The following PDE11A variants were observed in gnomAD, a reference collection of about 807,000 sequenced individuals.
The protein encoded by PDE11A is phosphodiesterase 11A.
Under a neutral mutation model 100.5 loss-of-function variants are expected in PDE11A, and 100 were observed. That is an observed-to-expected ratio of 1.00 (90% CI 0.85 to 1.18). The LOEUF is 1.18. Ranked by LOEUF, PDE11A falls within the 50% of genes most tolerant of loss-of-function variation. PDE11A has a pLI of 0.00. For missense variants in PDE11A, 1,141 were observed against 1,152.6 expected (o/e 0.99, Z 0.15); for synonymous variants, 381 against 420.8 (o/e 0.91, Z 1.16).
chr2:177,916,224 A>G lies in PDE11A; in HGVS notation c.1072-11037T>C, dbSNP rs892596477. On this transcript the variant is annotated intron_variant, in intron 2 of 19. Coordinates refer to ENST00000286063, the MANE Select transcript of PDE11A (RefSeq NM_016953.4). ...CTCTAAGCATTTATTTATTTCTACA[A>G]TATAAGAATATTACAAAATAAAGTG... Among the ~76,000 whole-genome samples the G allele has an allele frequency of 2.0e-5, 3 of 152,308 alleles. No individual in the cohort carries two copies. In the East Asian group the frequency reaches 5.8e-4, roughly 29 times the overall value.
chr2:178,067,549 C>T (rs1380344668), intron 1 of PDE11A, among the ~76,000 whole-genome samples: 1 of 152,134 alleles, frequency 6.6e-6, no homozygotes, highest in Non-Finnish European at 1.5e-5. Flanking sequence ...ATCACTTCTC[C>T]CTACCCCACA....
Position 177,684,585 on chromosome 2 carries a change from C to T in PDE11A, c.2346-3682G>A, listed in dbSNP as rs558559459. ...TCCTGGCAGACTTAATGGGGTCTGG[C>T]ACTCACTACTTACATGACTGACCTT... On this transcript the variant is annotated intron_variant, in intron 15 of 19. Coordinates refer to ENST00000286063, the MANE Select transcript of PDE11A (RefSeq NM_016953.4). Among the ~76,000 whole-genome samples, 17 of 152,290 alleles carry T rather than the reference C, an allele frequency of 1.1e-4. No homozygotes were observed. The South Asian group carries it at 3.3e-3, about 30-fold the overall frequency.
chr2:177,702,781 A>C (rs934957275), intron 13 of PDE11A: 1 of 152,216 alleles, frequency 6.6e-6, no homozygotes, highest in Admixed American at 6.5e-5. Context: ...ATAATATAAT[A>C]TAATGTAAAA....
At chr2:177,947,587 T>A (rs942789312) in intron 2 of PDE11A, among the ~76,000 whole-genome samples, 20 of 151,850 alleles carry the variant, frequency 1.3e-4, no homozygotes, top group African/African-American at 4.8e-4. Flanking sequence ...TTAAGAGTCA[T>A]CACCAATCCC....
At chr2:177,756,738 C>T (rs955091801) in intron 10 of PDE11A, among the ~76,000 whole-genome samples, 9 of 152,202 alleles carry the variant, frequency 5.9e-5, no homozygotes, top group Non-Finnish European at 1.0e-4. Context: ...GTGCTGTTAG[C>T]GCCCACAAAC....
intron 17 of PDE11A, among the ~76,000 whole-genome samples, chr2:177,673,406 G>C (rs763244791): frequency 1.3e-5 from 2 of 152,202 alleles, no homozygotes; most frequent in African/African-American, 4.8e-5. Context: ...AGGGTCCCCT[G>C]CATGGTAGAA....
intron 12 of PDE11A, among the ~76,000 whole-genome samples, chr2:177,723,829 C>G (rs1020999205): frequency 6.6e-6 from 1 of 151,846 alleles, no homozygotes; most frequent in Non-Finnish European, 1.5e-5. Context: ...TTTATAAAAC[C>G]GAAAAAAATG....
chr2:178,049,791 C>T (rs991433811), intron 1 of PDE11A, among the ~76,000 whole-genome samples: 3 of 152,120 alleles, frequency 2.0e-5, no homozygotes, highest in Non-Finnish European at 2.9e-5. Flanking sequence ...AAGGCAGCAG[C>T]GAGGCTTGGG....
rs140270126 is a variant in PDE11A, at chr2:177,741,324, C to T, written c.1789-13152G>A. ...GGTGTCTTTTCCTCTTCTTGTAGGACACTAGTCATTGGATTACAGCTCAAC... is the reference window on the plus strand; with the variant it reads ...GGTGTCTTTTCCTCTTCTTGTAGGATACTAGTCATTGGATTACAGCTCAAC... On this transcript the variant is annotated intron_variant, in intron 10 of 19. Transcript: ENST00000286063. Among the ~76,000 whole-genome samples, 761 of 152,240 alleles carry T rather than the reference C, an allele frequency of 5.0e-3. 9 individuals carry two copies. Among genetic ancestry groups the T allele is most frequent in the African/African-American group, 0.017 (718 of 41,548 alleles).
intron 10 of PDE11A, among the ~76,000 whole-genome samples, chr2:177,757,495 G>C (rs1210093991): frequency 1.3e-5 from 2 of 152,194 alleles, no homozygotes; most frequent in East Asian, 3.9e-4. Context: ...AGCAATATTT[G>C]AAAATGTATA....
At chr2:178,051,423 C>A (rs1279812611) in intron 1 of PDE11A, among the ~76,000 whole-genome samples, 1 of 152,160 alleles carries the variant, frequency 6.6e-6, no homozygotes, top group Non-Finnish European at 1.5e-5. Context: ...TAAAGACCAT[C>A]GATGCTAGGA....
At chr2:177,865,826 T>A (rs934507585) in intron 5 of PDE11A, among the ~76,000 whole-genome samples, 1 of 152,184 alleles carries the variant, frequency 6.6e-6, no homozygotes, top group Non-Finnish European at 1.5e-5. Flanking sequence ...GAAAGTAGAT[T>A]AGCAGTTGCT....
At chr2:177,767,570 T>C (rs1651854385) in intron 10 of PDE11A, among the ~76,000 whole-genome samples, 1 of 152,186 alleles carries the variant, frequency 6.6e-6, no homozygotes, top group South Asian at 2.1e-4. Context: ...TCCTAAATAA[T>C]TGAACTTTAT....
In PDE11A at chr2:177,675,654, C is replaced by G. The variant is rs914607605; in HGVS notation, c.2424-136G>C. ...ACATCTTCCTTTCCTCAACAAGGGG[C>G]AGCACTGTTTATAGTCCCTGTGTTC... On this transcript the variant is annotated intron_variant, in intron 16 of 19. Coordinates refer to ENST00000286063, the MANE Select transcript of PDE11A (RefSeq NM_016953.4). 8 of 735,578 alleles carry G rather than the reference C, an allele frequency of 1.1e-5. No individual in the cohort carries two copies. The Admixed American group carries it at 1.4e-4, about 13-fold the overall frequency. The allele number at this position is 735,578 out of a possible 1,614,324, so 45.6% of individuals were successfully genotyped here.
rs540961058 is a variant in PDE11A at position 177,728,258 on chromosome 2, T to A, written c.1789-86A>T. ...GCTCTCCTCCCCTGCTTATCAGAAGTGCCACATAAATCAGGCCTGACCTGC... is the reference window on the plus strand; with the variant it reads ...GCTCTCCTCCCCTGCTTATCAGAAGAGCCACATAAATCAGGCCTGACCTGC... On this transcript the variant is annotated intron_variant, in intron 10 of 19. Coordinates refer to ENST00000286063, the MANE Select transcript of PDE11A (RefSeq NM_016953.4). The A allele has an allele frequency of 4.2e-4, 508 of 1,200,644 alleles. 1 individual carries two copies. The African/African-American group carries it at 4.9e-3, about 12-fold the overall frequency. 74.4% of individuals were successfully genotyped at this position (1,200,644 alleles called of 1,614,324 possible).
At chr2:177,705,310 T>C (rs1000778198) in intron 13 of PDE11A, among the ~76,000 whole-genome samples, 1 of 152,218 alleles carries the variant, frequency 6.6e-6, no homozygotes, top group Non-Finnish European at 1.5e-5. Flanking sequence ...TTGTGCTAAG[T>C]ATATCCATCA....
chr2:177,806,991 A>G (rs1434019015), intron 9 of PDE11A, among the ~76,000 whole-genome samples: 2 of 152,178 alleles, frequency 1.3e-5, no homozygotes, highest in East Asian at 3.8e-4. Context: ...ATAGGAAAAA[A>G]TAAGTATTTG....
intron 2 of PDE11A, among the ~76,000 whole-genome samples, chr2:177,905,601 G>T (rs776230335): frequency 6.6e-6 from 1 of 152,074 alleles, no homozygotes; most frequent in Non-Finnish European, 1.5e-5. Flanking sequence ...CAATTCTTTC[G>T]TTGGCATATG....
rs78985268 is a variant in PDE11A at position 177,865,772 on chromosome 2, T to C, written c.1367+10087A>G. On this transcript the variant is annotated intron_variant, in intron 5 of 19. Transcript: ENST00000286063. Reference sequence around the variant, plus strand: ...CACAAATGGTCACATATTATATAATTCCATTTATAAGAAATGTCCAAAATA... The same window carrying C: ...CACAAATGGTCACATATTATATAATCCCATTTATAAGAAATGTCCAAAATA... Among the ~76,000 whole-genome samples, 1,105 of 152,304 alleles carry C rather than the reference T, an allele frequency of 7.3e-3. 13 individuals carry two copies. The highest frequency in any genetic ancestry group is 0.025 in the African/African-American group (1,029 of 41,552).
Sources: gnomAD v4.1 joint callset for allele counts (sites outside exome capture counted in the v4.1 genomes callset) on GRCh38, gnomAD v4.1.1 for gene constraint, MANE v1.5 for transcripts, NCBI Gene and HGNC (gene_info 2026-07-23, HGNC 2026-07-21) for gene names.